PKHD1: variants seen among roughly 807,000 people sequenced by gnomAD.
The protein encoded by PKHD1 is fibrocystin.
PKHD1 carries 291 observed loss-of-function variants against 412.0 expected under a neutral mutation model. That is an observed-to-expected ratio of 0.71 (90% CI 0.64 to 0.78). The LOEUF is 0.78. Among genes scored for constraint, PKHD1 ranks in the 30% least tolerant of loss-of-function variants. The probability of loss-of-function intolerance (pLI) is 0.00; values close to 1 mark genes in which losing one functional copy is unlikely to be tolerated. For missense variants in PKHD1, 4,825 were observed against 4,950.7 expected, an observed-to-expected ratio of 0.97 and a Z score of 0.76; for synonymous variants, 1,777 against 1,821.5, an observed-to-expected ratio of 0.98 and a Z score of 0.62.
chr6:51,908,040 T>C (rs1782382068), intron 40 of PKHD1, among the ~76,000 whole-genome samples: 1 of 152,074 alleles, frequency 6.6e-6, no homozygotes, highest in Non-Finnish European at 1.5e-5. Flanking sequence ...AGCTACCCTC[T>C]TTTTTACTGA....
At chr6:51,926,613 G>A (rs1334042673) in intron 37 of PKHD1, among the ~76,000 whole-genome samples, 1 of 152,048 alleles carries the variant, frequency 6.6e-6, no homozygotes, top group Non-Finnish European at 1.5e-5. Context: ...GAAATTAAAA[G>A]ACCTTAAAAA....
chr6:52,043,774 T>C, intron 25 of PKHD1, 44 bp from the exon 26 acceptor site: 4 of 1,315,188 alleles, frequency 3.0e-6, no homozygotes, highest in Non-Finnish European at 3.3e-6. Flanking sequence ...GCATTTCATA[T>C]CTACCAGGGT....
intron 53 of PKHD1, among the ~76,000 whole-genome samples, chr6:51,778,272 T>C (rs1306233230): frequency 6.6e-6 from 1 of 152,150 alleles, no homozygotes; most frequent in Non-Finnish European, 1.5e-5. Context: ...CTAAGAGGCA[T>C]ATTAAACCTG....
chr6:51,714,531 C>G (rs1320706382), intron 60 of PKHD1, among the ~76,000 whole-genome samples: 1 of 152,182 alleles, frequency 6.6e-6, no homozygotes, highest in Non-Finnish European at 1.5e-5. Flanking sequence ...TATAAGTGGT[C>G]TTAGTTTACA....
chr6:52,050,136 T>G (rs1021152982), intron 22 of PKHD1, 21 bp downstream of exon 22: 7 of 1,612,664 alleles, frequency 4.3e-6, no homozygotes, highest in African/African-American at 2.7e-5. Flanking sequence ...AAGGGACAGG[T>G]GTAAAAAAGC....
intron 35 of PKHD1, among the ~76,000 whole-genome samples, chr6:51,977,672 C>A (rs375497986): frequency 1.3e-5 from 2 of 152,324 alleles, no homozygotes; most frequent in South Asian, 2.1e-4. Flanking sequence ...TTTCCACTCT[C>A]TAAGCCAGCT....
chr6:52,020,780 A>G (rs1801282887), intron 33 of PKHD1, among the ~76,000 whole-genome samples: 1 of 152,246 alleles, frequency 6.6e-6, no homozygotes, highest in Admixed American at 6.5e-5. Context: ...AATCTTTAAA[A>G]ATACAAGTGA....
chr6:51,894,196 G>A (rs1486957557), intron 43 of PKHD1, among the ~76,000 whole-genome samples: 2 of 152,182 alleles, frequency 1.3e-5, no homozygotes, highest in East Asian at 1.9e-4. Context: ...AGGGTGAAGC[G>A]CTCTAAGAAG....
At chr6:51,739,891 G>C (rs1050727534) in intron 60 of PKHD1, 1 of 456,762 alleles carries the variant, frequency 2.2e-6, no homozygotes, top group Non-Finnish European at 4.5e-6. Flanking sequence ...TGTGTGAACC[G>C]GGGTGTGAGG....
Position 52,035,729 on chromosome 6 carries a change from A to G in PKHD1, c.3098-8T>C, listed in dbSNP as rs1306934101. On this transcript the variant is annotated splice_polypyrimidine_tract_variant and splice_region_variant and intron_variant, in intron 27 of 66. Transcript: ENST00000371117. ...TGGTGGCCCAGAGCCCTCCTGTAAC[A>G]AAAACAGCATATTCAAATGGGATCA... The G allele has an allele frequency of 2.5e-6, 4 of 1,613,030 alleles. No homozygotes were observed. Among genetic ancestry groups the G allele is most frequent in the Non-Finnish European group, 3.4e-6 (4 of 1,179,156 alleles).
Position 51,748,032 on chromosome 6 carries a change from T to A in PKHD1, c.9584A>T (p.Lys3195Ile). 7 of 1,614,078 alleles carry A rather than the reference T, an allele frequency of 4.3e-6. No individual in the cohort carries two copies. The highest frequency in any genetic ancestry group is 5.9e-6 in the Non-Finnish European group (7 of 1,179,984). Residue 3195 changes from lysine to isoleucine, a missense_variant, in exon 58 of 67, where the codon AAA (lysine) becomes ATA (isoleucine). Transcript: ENST00000371117. Reference sequence around the variant, plus strand: ...TGAATTCCTAAGCACAATCTGCACTTTTTTGACGGAATTTTGTGGAGCAGA... The same window carrying A: ...TGAATTCCTAAGCACAATCTGCACTATTTTGACGGAATTTTGTGGAGCAGA... ...VFSAPQNSVK[K>I]VQIVLRNSVI... is the part of the protein sequence containing the mutation.
At chr6:51,873,043 T>C (rs1776251218) in intron 46 of PKHD1, among the ~76,000 whole-genome samples, 1 of 152,142 alleles carries the variant, frequency 6.6e-6, no homozygotes, top group Non-Finnish European at 1.5e-5. Flanking sequence ...GATTCTAAGA[T>C]GGAGCTTTGA....
intron 61 of PKHD1, among the ~76,000 whole-genome samples, chr6:51,652,164 A>G (rs2150379797): frequency 6.6e-6 from 1 of 152,228 alleles, no homozygotes; most frequent in South Asian, 2.1e-4. Context: ...AATAGCTTCC[A>G]ATACCCAGTT....
At chr6:51,895,581 G>A (rs535204134) in intron 43 of PKHD1, among the ~76,000 whole-genome samples, 1 of 150,708 alleles carries the variant, frequency 6.6e-6, no homozygotes, top group South Asian at 2.1e-4. Flanking sequence ...ATTTTTTTTT[G>A]AGCAACTACC....
intron 35 of PKHD1, among the ~76,000 whole-genome samples, chr6:51,995,957 G>T (rs919818847): frequency 1.3e-5 from 2 of 151,964 alleles, no homozygotes; most frequent in African/African-American, 4.8e-5. Flanking sequence ...CAATGCCTGG[G>T]ACCCTCTGAG....
At position 51,635,868 on chromosome 6, in the gene PKHD1, C is replaced by CGG. The variant is rs1321656873; in HGVS notation, c.11506+2979_11506+2980dup. ...TATTTGTGGTGAAGGTGGGGGGGGG[C>CGG]GGGGGGCCGGGGGCGGATTTGTGGG... On this transcript the variant is annotated intron_variant, in intron 64 of 66. Transcript: ENST00000371117. Among the ~76,000 whole-genome samples, 2 of 46,076 alleles carry CGG rather than the reference C, an allele frequency of 4.3e-5. 1 individual carries two copies. The highest frequency in any genetic ancestry group is 8.9e-5 in the Non-Finnish European group (2 of 22,524). 30.2% of individuals were successfully genotyped at this position (46,076 alleles called of 152,430 possible).
chr6:52,049,141 T>G (rs969818963), intron 22 of PKHD1, among the ~76,000 whole-genome samples: 10 of 152,170 alleles, frequency 6.6e-5, no homozygotes, highest in Non-Finnish European at 1.5e-4. Flanking sequence ...CCTTAGACAG[T>G]CTCATCATTG....
At chr6:51,994,258 C>T (rs1337374361) in intron 35 of PKHD1, among the ~76,000 whole-genome samples, 2 of 152,132 alleles carry the variant, frequency 1.3e-5, no homozygotes, top group African/African-American at 2.4e-5. Context: ...CCTCAGCCTC[C>T]CGGGTAGCTG....
chr6:51,936,514 G>GTT (rs1787506249), intron 36 of PKHD1, among the ~76,000 whole-genome samples: 2 of 152,206 alleles, frequency 1.3e-5, no homozygotes, highest in Admixed American at 1.3e-4. Flanking sequence ...GCTGGAAGTA[G>GTT]TTAAACATGC....
Sources: gnomAD v4.1 joint callset for allele counts (sites outside exome capture counted in the v4.1 genomes callset) on GRCh38, gnomAD v4.1.1 for gene constraint, MANE v1.5 for transcripts, NCBI Gene and HGNC (gene_info 2026-07-23, HGNC 2026-07-21) for gene names.